Variants in PGM5 observed in about 807,000 individuals in gnomAD.
The protein encoded by PGM5 is phosphoglucomutase 5.
A neutral mutation model predicts 59.2 loss-of-function variants in PGM5; 23 were observed. That is an observed-to-expected ratio of 0.39 (90% CI 0.28 to 0.55). PGM5 has a LOEUF of 0.55. PGM5 is among the 20% of genes least tolerant of loss of function. The pLI is 0.66. For missense variants in PGM5, 574 were observed against 748.3 expected, an observed-to-expected ratio of 0.77 and a Z score of 2.72; for synonymous variants, 214 against 286.0, an observed-to-expected ratio of 0.75 and a Z score of 2.54.
chr9:68,475,208 T>A (rs7025930), intron 7 of PGM5, among the ~76,000 whole-genome samples: 2 of 143,166 alleles, frequency 1.4e-5, no homozygotes, highest in Admixed American at 1.4e-4. Flanking sequence ...TTTTTTTTTG[T>A]ATTTTTAGTA....
At chr9:68,380,163 T>A (rs1374247460) in intron 2 of PGM5, among the ~76,000 whole-genome samples, 1 of 151,972 alleles carries the variant, frequency 6.6e-6, no homozygotes, top group African/African-American at 2.4e-5. Flanking sequence ...CTAGCATACA[T>A]AGAACATTCT....
intron 10 of PGM5, among the ~76,000 whole-genome samples, chr9:68,525,783 G>A (rs1044622212): frequency 6.6e-6 from 1 of 152,198 alleles, no homozygotes; most frequent in Admixed American, 6.5e-5. Flanking sequence ...CTTGCCGGGC[G>A]TGGTGGCTCA....
intron 6 of PGM5, among the ~76,000 whole-genome samples, chr9:68,456,972 G>A (rs991888603): frequency 6.6e-6 from 1 of 151,944 alleles, no homozygotes; most frequent in Non-Finnish European, 1.5e-5. Flanking sequence ...CATGATACCT[G>A]GCTGTTATTT....
At chr9:68,398,315 C>T (rs1554680191) in intron 6 of PGM5, 1 of 151,996 alleles carries the variant, frequency 6.6e-6, no homozygotes, top group East Asian at 1.9e-4. Context: ...AGGATCAAGG[C>T]AGGAAAGAGA....
intron 6 of PGM5, among the ~76,000 whole-genome samples, chr9:68,422,956 G>C (rs1481270824): frequency 6.6e-6 from 1 of 152,140 alleles, no homozygotes; most frequent in East Asian, 1.9e-4. Flanking sequence ...CTCCCACTTA[G>C]GAGTGAGAAT....
intron 6 of PGM5, among the ~76,000 whole-genome samples, chr9:68,450,228 A>G (rs920731250): frequency 3.3e-5 from 5 of 152,202 alleles, no homozygotes; most frequent in African/African-American, 1.2e-4. Context: ...TTGCCTAAAA[A>G]CAAGAATCTC....
chr9:68,372,724 C>A (rs1467433005), intron 1 of PGM5, among the ~76,000 whole-genome samples: 5 of 152,160 alleles, frequency 3.3e-5, no homozygotes, highest in Non-Finnish European at 7.3e-5. Flanking sequence ...GCTGTACAAG[C>A]CTGGTGCCAG....
chr9:68,456,264 C>G (rs1554684822), intron 6 of PGM5, among the ~76,000 whole-genome samples: 1 of 151,762 alleles, frequency 6.6e-6, no homozygotes, highest in Non-Finnish European at 1.5e-5. Context: ...TGATACTTCA[C>G]CAACATTTGG....
chr9:68,463,321 C>T (rs540260550), intron 6 of PGM5, among the ~76,000 whole-genome samples: 2 of 152,224 alleles, frequency 1.3e-5, no homozygotes, highest in South Asian at 2.1e-4. Flanking sequence ...TCATCCCCTG[C>T]ACTCACAGCC....
At chr9:68,523,030 C>T (rs1317387023) in intron 10 of PGM5, among the ~76,000 whole-genome samples, 1 of 152,234 alleles carries the variant, frequency 6.6e-6, no homozygotes, top group Non-Finnish European at 1.5e-5. Flanking sequence ...CCACTACTAA[C>T]TGTCCGTTCT....
At chr9:68,388,520 C>T (rs1433790079) in intron 4 of PGM5, among the ~76,000 whole-genome samples, 6 of 151,904 alleles carry the variant, frequency 3.9e-5, no homozygotes, top group South Asian at 2.1e-4. Context: ...TGTTAAATGT[C>T]CTGTTCCCTG....
chr9:68,421,832 G>A (rs2132048227), intron 6 of PGM5, among the ~76,000 whole-genome samples: 1 of 151,800 alleles, frequency 6.6e-6, no homozygotes, highest in East Asian at 1.9e-4. Flanking sequence ...ATTAAGACAT[G>A]CATAGTACAA....
intron 10 of PGM5, among the ~76,000 whole-genome samples, chr9:68,528,477 A>T (rs1160836472): frequency 1.3e-5 from 2 of 152,130 alleles, no homozygotes; most frequent in African/African-American, 4.8e-5. Context: ...GGCTCAAGTG[A>T]TCCTCTGCCT....
At chr9:68,482,364 G>A (rs1824211883) in intron 8 of PGM5, among the ~76,000 whole-genome samples, 1 of 152,036 alleles carries the variant, frequency 6.6e-6, no homozygotes, top group African/African-American at 2.4e-5. Flanking sequence ...TATATGCCCT[G>A]CTGAAAAAGA....
intron 1 of PGM5, among the ~76,000 whole-genome samples, chr9:68,358,204 A>G (rs1376678486): frequency 6.6e-6 from 1 of 152,196 alleles, no homozygotes; most frequent in Non-Finnish European, 1.5e-5. Context: ...GCCTTTTGGC[A>G]TTTGACAACA....
chr9:68,413,340 G>C (rs1554681752), intron 6 of PGM5, among the ~76,000 whole-genome samples: 1 of 151,788 alleles, frequency 6.6e-6, no homozygotes, highest in Non-Finnish European at 1.5e-5. Context: ...TCCCAGTGAT[G>C]GTGACTCTCA....
intron 6 of PGM5, chr9:68,396,894 A>C (rs1822520211): frequency 6.6e-6 from 1 of 152,242 alleles, no homozygotes; most frequent in African/African-American, 2.4e-5. Flanking sequence ...GAGATCCATT[A>C]AATGACACAC....
chr9:68,519,993 G>A (rs920322211), intron 10 of PGM5, among the ~76,000 whole-genome samples: 1 of 151,262 alleles, frequency 6.6e-6, no homozygotes, highest in African/African-American at 2.4e-5. Flanking sequence ...GGGAGGCTGA[G>A]GTGAGAGGAT....
intron 9 of PGM5, among the ~76,000 whole-genome samples, chr9:68,490,329 T>TTTTTGTTTTTTGTTGTTG (rs1450576190): frequency 1.3e-5 from 2 of 152,172 alleles, no homozygotes; most frequent in Non-Finnish European, 2.9e-5. Context: ...CAACTTTTTG[T>TTTTTGTTTTTTGTTGTTG]TTTTGTTTTT....
Sources: allele counts gnomAD v4.1 joint callset (sites outside exome capture counted in the v4.1 genomes callset), GRCh38; gene constraint gnomAD v4.1.1; transcripts MANE v1.5; gene names NCBI Gene and HGNC (gene_info 2026-07-23, HGNC 2026-07-21).